The following NTNG1 variants were observed in gnomAD, a reference collection of about 807,000 sequenced individuals.
NTNG1 encodes netrin G1, also known as netrin-G1.
NTNG1 carries 16 observed loss-of-function variants against 54.0 expected under a neutral mutation model. The ratio of observed to expected loss-of-function variants is 0.30; its 90% CI spans 0.20 to 0.45. NTNG1 has a LOEUF of 0.45. NTNG1 is among the 20% of genes least tolerant of loss of function. The pLI is 1.00. For synonymous variants in NTNG1, 255 were observed against 263.1 expected (o/e 0.97, Z 0.30); for missense variants, 530 against 678.7 (o/e 0.78, Z 2.43).
intron 2 of NTNG1, among the ~76,000 whole-genome samples, chr1:107,206,472 A>G (rs1659201832): frequency 6.6e-6 from 1 of 152,088 alleles, no homozygotes; most frequent in Non-Finnish European, 1.5e-5. Context: ...CTATCTTTCT[A>G]GCTAGACTGG....
chr1:107,391,922 C>A (rs150290114), intron 3 of NTNG1, among the ~76,000 whole-genome samples: 2,402 of 152,206 alleles, frequency 0.016, 23 homozygotes, highest in Middle Eastern at 0.034. Context: ...AAAGAGGAAT[C>A]TCAGGGCATG....
chr1:107,213,477 G>A (rs1181123490), intron 2 of NTNG1, among the ~76,000 whole-genome samples: 3 of 152,060 alleles, frequency 2.0e-5, no homozygotes, highest in Non-Finnish European at 2.9e-5. Context: ...CCTTAGTTGG[G>A]AAATGCATTT....
intron 2 of NTNG1, among the ~76,000 whole-genome samples, chr1:107,262,139 T>C (rs1057175037): frequency 6.6e-6 from 1 of 152,252 alleles, no homozygotes; most frequent in African/African-American, 2.4e-5. Context: ...GATTTATATA[T>C]TTACATTAAA....
chr1:107,361,385 A>ATTTT (rs1443924165), intron 3 of NTNG1, among the ~76,000 whole-genome samples: 7 of 72,588 alleles, frequency 9.6e-5, no homozygotes, highest in African/African-American at 2.9e-4. Flanking sequence ...ATATATATAT[A>ATTTT]TATATATTTT....
chr1:107,266,980 G>A (rs1240411570), intron 2 of NTNG1, among the ~76,000 whole-genome samples: 1 of 152,164 alleles, frequency 6.6e-6, no homozygotes, highest in African/African-American at 2.4e-5. Flanking sequence ...TAAAGGGTCA[G>A]AGTTAAAGGT....
chr1:107,237,396 A>T (rs561004018), intron 2 of NTNG1, among the ~76,000 whole-genome samples: 32 of 152,206 alleles, frequency 2.1e-4, no homozygotes, highest in Non-Finnish European at 4.1e-4. Context: ...TTTGGAAAAT[A>T]TGCAGCCTGA....
At chr1:107,169,309 T>A (rs1293559499) in intron 2 of NTNG1, among the ~76,000 whole-genome samples, 3 of 152,196 alleles carry the variant, frequency 2.0e-5, no homozygotes, top group Admixed American at 6.6e-5. Flanking sequence ...CATTTGATGC[T>A]TACTCTTCTG....
chr1:107,367,065 CGTGTGT>C lies in NTNG1; in HGVS notation c.888-28064_888-28059del, dbSNP rs57282130. On this transcript the variant is annotated intron_variant, in intron 3 of 7. Coordinates refer to ENST00000370068, the MANE Select transcript of NTNG1 (RefSeq NM_001113226.3). ...AAAGGAACAATGTCTTTTATCTGTTCGTGTGTGTGTGTGTGTGTGTGTGTGTGTGTT... is the reference window on the plus strand; with the variant it reads ...AAAGGAACAATGTCTTTTATCTGTTCGTGTGTGTGTGTGTGTGTGTGTGTT... Among the ~76,000 whole-genome samples the C allele has an allele frequency of 1.3e-3, 195 of 148,442 alleles. 1 individual carries two copies. The highest frequency in any genetic ancestry group is 3.6e-3 in the African/African-American group (146 of 40,558).
intron 7 of NTNG1, among the ~76,000 whole-genome samples, chr1:107,477,259 G>A (rs1009973669): frequency 1.3e-5 from 2 of 152,334 alleles, no homozygotes; most frequent in African/African-American, 4.8e-5. Flanking sequence ...CCAGGCTGGT[G>A]TAGGAACCTC....
chr1:107,424,091 G>T (rs1264138287), intron 5 of NTNG1, among the ~76,000 whole-genome samples: 1 of 152,020 alleles, frequency 6.6e-6, no homozygotes, highest in Non-Finnish European at 1.5e-5. Context: ...TATACTTTTT[G>T]AATATTATAA....
intron 2 of NTNG1, among the ~76,000 whole-genome samples, chr1:107,252,685 C>A (rs1662685774): frequency 6.6e-6 from 1 of 152,114 alleles, no homozygotes; most frequent in Non-Finnish European, 1.5e-5. Flanking sequence ...TCTGGGCTCC[C>A]TACAACTAAC....
chr1:107,354,946 G>A (rs1669849635), intron 3 of NTNG1, among the ~76,000 whole-genome samples: 1 of 152,118 alleles, frequency 6.6e-6, no homozygotes. Flanking sequence ...GGAGCAGTGT[G>A]CCCAGCTGTT....
chr1:107,298,086 G>A (rs1666091755), intron 2 of NTNG1, among the ~76,000 whole-genome samples: 1 of 152,088 alleles, frequency 6.6e-6, no homozygotes, highest in African/African-American at 2.4e-5. Context: ...ATAGAACTCA[G>A]TCATGAAGAT....
chr1:107,219,025 A>G (rs1403636747), intron 2 of NTNG1, among the ~76,000 whole-genome samples: 1 of 151,878 alleles, frequency 6.6e-6, no homozygotes, highest in Non-Finnish European at 1.5e-5. Context: ...TTTTAGACTT[A>G]TCTTCTTCCT....
At chr1:107,406,076 T>A (rs1673395789) in intron 4 of NTNG1, among the ~76,000 whole-genome samples, 1 of 152,168 alleles carries the variant, frequency 6.6e-6, no homozygotes, top group Non-Finnish European at 1.5e-5. Flanking sequence ...ATTCTGAGCA[T>A]TTAAAATCAA....
chr1:107,187,128 T>C (rs577626454), intron 2 of NTNG1, among the ~76,000 whole-genome samples: 3 of 152,278 alleles, frequency 2.0e-5, no homozygotes, highest in Admixed American at 1.3e-4. Context: ...TTCTCAGTTA[T>C]AGCATCTGTT....
rs1405130306 is a variant in NTNG1, at chr1:107,202,533, T to C, written c.246+53694T>C. ...TCTAAGACCTTATTTATTTTATTTC[T>C]TTGTTTGCTTTTTATAATTTCCTGA... On this transcript the variant is annotated intron_variant, in intron 2 of 7. Coordinates refer to ENST00000370068, the MANE Select transcript of NTNG1 (RefSeq NM_001113226.3). 5.3e-5 allele frequency among the ~76,000 whole-genome samples: 8 copies of C among 151,870 alleles called. No homozygotes were observed. The East Asian group carries it at 1.5e-3, about 29-fold the overall frequency.
At chr1:107,381,093 T>C (rs1671616312) in intron 3 of NTNG1, among the ~76,000 whole-genome samples, 1 of 152,138 alleles carries the variant, frequency 6.6e-6, no homozygotes, top group African/African-American at 2.4e-5. Context: ...TGATTGATTA[T>C]GACATCAGAT....
At chr1:107,472,026 G>A (rs1490440479) in intron 7 of NTNG1, among the ~76,000 whole-genome samples, 1 of 152,132 alleles carries the variant, frequency 6.6e-6, no homozygotes, top group Non-Finnish European at 1.5e-5. Context: ...TTATTATCCT[G>A]CTTGTGAAGT....
Sources: gnomAD v4.1 joint callset for allele counts (sites outside exome capture counted in the v4.1 genomes callset) on GRCh38, gnomAD v4.1.1 for gene constraint, MANE v1.5 for transcripts, NCBI Gene and HGNC (gene_info 2026-07-23, HGNC 2026-07-21) for gene names.